MAP4: variants seen among roughly 807,000 people sequenced by gnomAD.
The protein encoded by MAP4 is microtubule associated protein 4.
MAP4 carries 76 observed loss-of-function variants against 170.2 expected under a neutral mutation model. The ratio of observed to expected loss-of-function variants is 0.45; its 90% CI spans 0.37 to 0.54. MAP4 has a LOEUF of 0.54. MAP4 is among the 20% of genes least tolerant of loss of function. The pLI is 0.00. For missense variants in MAP4, 2,506 were observed against 2,748.0 expected (o/e 0.91, Z 1.97); for synonymous variants, 909 against 994.5 (o/e 0.91, Z 1.62).
chr3:47,858,619 GTTGT>G (rs1173844975), intron 17 of MAP4, among the ~76,000 whole-genome samples: 121 of 125,288 alleles, frequency 9.7e-4, no homozygotes, highest in Non-Finnish European at 1.4e-3. Context: ...GTGTGTGCGC[GTTGT>G]GTGTGTGTGT....
intron 1 of MAP4, among the ~76,000 whole-genome samples, chr3:48,037,633 G>A (rs906980412): frequency 3.9e-5 from 6 of 152,008 alleles, no homozygotes; most frequent in African/African-American, 1.4e-4. Context: ...GGGCCCAAGC[G>A]ATCCTGTCAC....
At chr3:47,895,339 G>T (rs955671222) in intron 10 of MAP4, among the ~76,000 whole-genome samples, 8 of 152,220 alleles carry the variant, frequency 5.3e-5, no homozygotes, top group Non-Finnish European at 1.2e-4. Context: ...TCTTTAAGGT[G>T]CTCTTGGATT....
At chr3:47,996,941 G>A (rs2100096064) in intron 2 of MAP4, among the ~76,000 whole-genome samples, 1 of 152,068 alleles carries the variant, frequency 6.6e-6, no homozygotes, top group Admixed American at 6.5e-5. Context: ...AAACAGAAAT[G>A]CTAGAAATTA....
chr3:48,047,349 C>T (rs557254072), intron 1 of MAP4, among the ~76,000 whole-genome samples: 1 of 152,054 alleles, frequency 6.6e-6, no homozygotes, highest in East Asian at 1.9e-4. Flanking sequence ...CATATGGTCA[C>T]CAGAATTATC....
chr3:47,959,313 C>T (rs2100069929), intron 3 of MAP4, among the ~76,000 whole-genome samples: 1 of 151,848 alleles, frequency 6.6e-6, no homozygotes. Flanking sequence ...TAAAAATCAG[C>T]CGAGCGTGGT....
At chr3:47,894,882 G>A (rs2100025961) in intron 10 of MAP4, among the ~76,000 whole-genome samples, 2 of 151,864 alleles carry the variant, frequency 1.3e-5, no homozygotes, top group East Asian at 3.9e-4. Flanking sequence ...AAAAATTTAG[G>A]TGGGCATGGT....
intron 3 of MAP4, among the ~76,000 whole-genome samples, chr3:47,959,237 C>T (rs1474608644): frequency 6.6e-6 from 1 of 151,748 alleles, no homozygotes; most frequent in Non-Finnish European, 1.5e-5. Context: ...GGAGGCCAAG[C>T]GGGTGGATCA....
At chr3:47,940,345 G>A (rs1385597825) in intron 3 of MAP4, among the ~76,000 whole-genome samples, 1 of 152,188 alleles carries the variant, frequency 6.6e-6, no homozygotes, top group Admixed American at 6.5e-5. Flanking sequence ...CTACACAGCA[G>A]AAGCAGGCAA....
chr3:47,905,260 T>C (rs2100032287), intron 9 of MAP4, among the ~76,000 whole-genome samples: 1 of 152,182 alleles, frequency 6.6e-6, no homozygotes, highest in Admixed American at 6.5e-5. Context: ...GGATTAATTT[T>C]TCTTCTACAA....
At chr3:47,992,338 T>C (rs2100092829) in intron 2 of MAP4, among the ~76,000 whole-genome samples, 1 of 152,318 alleles carries the variant, frequency 6.6e-6, no homozygotes, top group East Asian at 1.9e-4. Context: ...CCATCACCCC[T>C]TCCTTTAAGT....
chr3:48,056,622 G>T (rs1320724265), intron 1 of MAP4, among the ~76,000 whole-genome samples: 16 of 126,420 alleles, frequency 1.3e-4, no homozygotes, highest in Admixed American at 9.3e-4. Context: ...AGGTGGGGGG[G>T]TCAGCCCCCC....
At chr3:47,879,925 T>A (rs902499989) in intron 10 of MAP4, among the ~76,000 whole-genome samples, 1 of 152,202 alleles carries the variant, frequency 6.6e-6, no homozygotes, top group Non-Finnish European at 1.5e-5. Flanking sequence ...AGATAGAAAG[T>A]ATTCACTTAT....
At chr3:47,891,185 C>T (rs201052350) in intron 10 of MAP4, 185 of 1,536,024 alleles carry the variant, frequency 1.2e-4, no homozygotes, top group Non-Finnish European at 1.5e-4. Flanking sequence ...ATCTTCCTGC[C>T]CTTTTTCCTT....
chr3:47,855,032 G>A lies in MAP4; in HGVS notation c.6696+216C>T. The stretch of plus-strand genomic sequence containing the variant: ...TCTCAGGAGCAAGGTTCTGCCTCCA[G>A]CTGACAGGTGAGGGGTGGCTGGGCT... On this transcript the variant is annotated intron_variant, in intron 19 of 20. Coordinates refer to ENST00000683076, the MANE Select transcript of MAP4 (RefSeq NM_001385682.1). The surrounding 1 kb of genome is among the most constrained non-coding windows in gnomAD (Gnocchi z 5.1). 1.8e-6 allele frequency: 1 copy of A among 541,784 alleles called. No homozygotes were observed. The highest frequency in any genetic ancestry group is 2.9e-5 in the East Asian group (1 of 34,600). The allele number at this position is 541,784 out of a possible 1,614,324, so 33.6% of individuals were successfully genotyped here.
intron 10 of MAP4, among the ~76,000 whole-genome samples, chr3:47,899,830 C>T (rs1388587637): frequency 6.6e-6 from 1 of 152,190 alleles, no homozygotes; most frequent in Non-Finnish European, 1.5e-5. Context: ...AGTTCTATTC[C>T]ATTCTGTCTG....
chr3:48,036,018 G>C (rs1449336573), intron 1 of MAP4, among the ~76,000 whole-genome samples: 1 of 152,000 alleles, frequency 6.6e-6, no homozygotes, highest in African/African-American at 2.4e-5. Flanking sequence ...AAATTACTTT[G>C]CTTAATATGT....
chr3:47,999,677 A>G (rs928383511), intron 1 of MAP4, among the ~76,000 whole-genome samples: 2 of 152,148 alleles, frequency 1.3e-5, no homozygotes, highest in Admixed American at 1.3e-4. Context: ...AAGAAACTGC[A>G]GACACTGGGG....
intron 3 of MAP4, among the ~76,000 whole-genome samples, chr3:47,950,668 C>T (rs1046361200): frequency 1.3e-5 from 2 of 151,874 alleles, no homozygotes; most frequent in African/African-American, 2.4e-5. Flanking sequence ...TAAGGTCTGG[C>T]GCTTGAAAGA....
chr3:47,970,052 C>G (rs992601793), intron 3 of MAP4, among the ~76,000 whole-genome samples: 4 of 152,216 alleles, frequency 2.6e-5, no homozygotes, highest in Non-Finnish European at 4.4e-5. Flanking sequence ...TCACTGTATT[C>G]TTTTCCTCTA....
Sources: gnomAD v4.1 joint callset for allele counts (sites outside exome capture counted in the v4.1 genomes callset) on GRCh38, gnomAD v4.1.1 for gene constraint, Gnocchi (gnomAD v3.1) non-coding constraint, MANE v1.5 for transcripts, NCBI Gene and HGNC (gene_info 2026-07-23, HGNC 2026-07-21) for gene names.